PPP2R5A: variants seen among roughly 807,000 people sequenced by gnomAD.
The protein encoded by PPP2R5A is serine/threonine-protein phosphatase 2A 56 kDa regulatory subunit alpha isoform.
Under a neutral mutation model 64.2 loss-of-function variants are expected in PPP2R5A, and 25 were observed. That is an observed-to-expected ratio of 0.39 (90% CI 0.28 to 0.54). The LOEUF (loss-of-function observed/expected upper bound fraction) is 0.54. PPP2R5A is among the 20% of genes least tolerant of loss of function. PPP2R5A has a pLI of 0.67. For missense variants in PPP2R5A, 425 were observed against 576.3 expected (o/e 0.74, Z 2.69); for synonymous variants, 198 against 201.2 (o/e 0.98, Z 0.13).
At chr1:212,348,660 TTAAG>T (rs1423066339) in intron 7 of PPP2R5A, among the ~76,000 whole-genome samples, 163 bp downstream of exon 7, 1 of 152,220 alleles carries the variant, frequency 6.6e-6, no homozygotes, top group African/African-American at 2.4e-5. Flanking sequence ...TATTTAGTTG[TTAAG>T]TAAGACCAAT....
intron 1 of PPP2R5A, among the ~76,000 whole-genome samples, chr1:212,301,405 G>T (rs1194455747): frequency 1.3e-5 from 2 of 152,186 alleles, no homozygotes; most frequent in African/African-American, 4.8e-5. Flanking sequence ...TTAAGTTCTT[G>T]AAAGTTTTAG....
chr1:212,305,088 G>A (rs1658872949), intron 1 of PPP2R5A, among the ~76,000 whole-genome samples: 2 of 146,298 alleles, frequency 1.4e-5, no homozygotes, highest in South Asian at 4.4e-4. Context: ...TCAGGCTGGA[G>A]TGCAGTGGCT....
intron 8 of PPP2R5A, among the ~76,000 whole-genome samples, chr1:212,354,662 T>A (rs1294290298): frequency 6.6e-6 from 1 of 151,274 alleles, no homozygotes; most frequent in Admixed American, 6.6e-5. Context: ...TGACCTCTGA[T>A]CATGTCACTA....
chr1:212,328,116 T>C (rs1330179990), intron 1 of PPP2R5A, among the ~76,000 whole-genome samples: 1 of 152,218 alleles, frequency 6.6e-6, no homozygotes, highest in Non-Finnish European at 1.5e-5. Flanking sequence ...TGCCTAGCCG[T>C]TGGTTCCTGC....
chr1:212,297,117 TTTTTTTTTTTTTTTTTTTTTTG>T (rs1399331273), intron 1 of PPP2R5A, among the ~76,000 whole-genome samples: 2,356 of 24,988 alleles, frequency 0.094, 105 homozygotes, highest in African/African-American at 0.13. Flanking sequence ...TTTTTTTTTT[TTTTTTTTTTTTTTTTTTTTTTG>T]GAGACGGAGT....
In PPP2R5A at chr1:212,360,639, G is replaced by A. The variant is rs1266749763; in HGVS notation, c.1330G>A (p.Glu444Lys). 1.9e-6 allele frequency: 3 copies of A among 1,562,194 alleles called. No individual in the cohort carries two copies. Among genetic ancestry groups the A allele is most frequent in the Non-Finnish European group, 2.6e-6 (3 of 1,159,114 alleles). Residue 444 changes from glutamate to lysine, a missense_variant and splice_region_variant, in exon 13 of 13, where the codon GAG becomes AAG. Around this residue, in one of 4 missense-constraint regions of PPP2R5A, gnomAD observed 177 missense variants for 244.8 expected, o/e 0.72. Transcript: ENST00000261461. The part of the protein sequence containing the change: ...TSSYKAERQR[E>K]KKKELEREEL... ...ACAAAAATTTTGGTTTATCTACAGA[G>A]AGAAAAAGAAGGAATTGGAACGTGA... is the stretch of plus-strand genomic sequence containing the variant.
chr1:212,304,466 T>C (rs1425259704), intron 1 of PPP2R5A, among the ~76,000 whole-genome samples: 1 of 151,818 alleles, frequency 6.6e-6, no homozygotes, highest in Non-Finnish European at 1.5e-5. Flanking sequence ...GGAGAATCGC[T>C]TGAACCTGGG....
chr1:212,285,843 A>T lies in PPP2R5A; in HGVS notation c.-268A>T, dbSNP rs1187038062. 3 of 358,472 alleles carry T rather than the reference A, an allele frequency of 8.4e-6. No individual in the cohort carries two copies. The highest frequency in any genetic ancestry group is 1.5e-5 in the Non-Finnish European group (3 of 202,018). The allele number at this position is 358,472 out of a possible 1,614,324, so 22.2% of individuals were successfully genotyped here. Reference sequence around the variant, plus strand: ...CGCGCCCAGAGTCAACAACTTCTTCACCCCCCTCCGCCCCCGCCCTTCCCT... The same window carrying T: ...CGCGCCCAGAGTCAACAACTTCTTCTCCCCCCTCCGCCCCCGCCCTTCCCT... On this transcript the variant is annotated 5_prime_UTR_variant, in exon 1 of 13. Coordinates refer to ENST00000261461, the MANE Select transcript of PPP2R5A (RefSeq NM_006243.4).
intron 3 of PPP2R5A, among the ~76,000 whole-genome samples, chr1:212,338,535 G>T (rs776399688): frequency 6.6e-6 from 1 of 152,134 alleles, no homozygotes; most frequent in Non-Finnish European, 1.5e-5. Context: ...ACTTTGGGAG[G>T]CTGAGGCAGG....
In PPP2R5A at chr1:212,323,361, T is replaced by G. The variant is rs534861510; in HGVS notation, c.182-5774T>G. The stretch of plus-strand genomic sequence containing the variant: ...GCATATAAAACACTTAGAATTGTCT[T>G]TGGAATGAAGTACTAACGTTAGCAG... On this transcript the variant is annotated intron_variant, in intron 1 of 12. Transcript: ENST00000261461. Among the ~76,000 whole-genome samples the G allele has an allele frequency of 2.6e-5, 4 of 152,328 alleles. No homozygotes were observed. The East Asian group carries it at 5.8e-4, about 22-fold the overall frequency.
At chr1:212,356,215 G>A (rs1211492708) in intron 8 of PPP2R5A, among the ~76,000 whole-genome samples, 1 of 151,878 alleles carries the variant, frequency 6.6e-6, no homozygotes, top group Non-Finnish European at 1.5e-5. Context: ...TGTTCCTTAA[G>A]GTTTCTCCCT....
At chr1:212,356,204 C>A (rs1469137219) in intron 8 of PPP2R5A, among the ~76,000 whole-genome samples, 1 of 152,128 alleles carries the variant, frequency 6.6e-6, no homozygotes, top group Non-Finnish European at 1.5e-5. Flanking sequence ...CAGGAATCAT[C>A]TGTTCCTTAA....
At chr1:212,312,091 A>G (rs939631272) in intron 1 of PPP2R5A, among the ~76,000 whole-genome samples, 3 of 152,158 alleles carry the variant, frequency 2.0e-5, no homozygotes, top group South Asian at 2.1e-4. Flanking sequence ...CAGATGTGCC[A>G]TTTTTAAATC....
chr1:212,329,094 G>T, intron 1 of PPP2R5A, 41 bp from the exon 2 acceptor site: 1 of 1,344,342 alleles, frequency 7.4e-7, no homozygotes, highest in Non-Finnish European at 9.9e-7. Flanking sequence ...AGTAACTTCT[G>T]AGTAGGTTAT....
intron 3 of PPP2R5A, chr1:212,333,844 C>T (rs764804641): frequency 1.9e-5 from 6 of 316,172 alleles, no homozygotes; most frequent in East Asian, 5.2e-5. Context: ...GTACATTCGC[C>T]ATGTTATACA....
chr1:212,352,515 T>C (rs1047393003), intron 8 of PPP2R5A, among the ~76,000 whole-genome samples: 5 of 152,048 alleles, frequency 3.3e-5, no homozygotes, highest in Admixed American at 3.3e-4. Flanking sequence ...AGTAGTACGA[T>C]TGTGGCTGAC....
intron 12 of PPP2R5A, 40 bp downstream of exon 12, chr1:212,358,827 T>G: frequency 6.6e-7 from 1 of 1,507,882 alleles, no homozygotes; most frequent in Non-Finnish European, 9.2e-7. Flanking sequence ...CTATACATTT[T>G]ATGTTAGTTG....
At chr1:212,322,219 G>GGGGAGA (rs371479193) in intron 1 of PPP2R5A, among the ~76,000 whole-genome samples, 4 of 117,690 alleles carry the variant, frequency 3.4e-5, no homozygotes, top group South Asian at 2.5e-4. Flanking sequence ...GGGAGACTGT[G>GGGGAGA]GGGAGAGGGA....
At chr1:212,318,154 TAC>T (rs1426926754) in intron 1 of PPP2R5A, among the ~76,000 whole-genome samples, 1 of 152,256 alleles carries the variant, frequency 6.6e-6, no homozygotes, top group African/African-American at 2.4e-5. Context: ...CAGGGATTTT[TAC>T]AGTGTTGAGA....
Sources: gnomAD v4.1 joint callset for allele counts (sites outside exome capture counted in the v4.1 genomes callset) on GRCh38, gnomAD v4.1.1 for gene constraint, gnomAD v4.1.1 regional missense constraint, MANE v1.5 for transcripts, NCBI Gene and HGNC (gene_info 2026-07-23, HGNC 2026-07-21) for gene names.